The following NR3C2 variants were observed in gnomAD, a reference collection of about 807,000 sequenced individuals.
NR3C2 encodes mineralocorticoid receptor.
NR3C2 carries 15 observed loss-of-function variants against 86.4 expected under a neutral mutation model. That is an observed-to-expected ratio of 0.17 (90% confidence interval 0.12 to 0.27). The LOEUF is 0.27. Among genes scored for constraint, NR3C2 ranks in the 10% least tolerant of loss-of-function variants. The probability of loss-of-function intolerance (pLI) is 1.00; values close to 1 mark genes in which losing one functional copy is unlikely to be tolerated. For synonymous variants in NR3C2, 458 were observed against 450.5 expected (o/e 1.02, Z -0.21); for missense variants, 960 against 1,195.6 (o/e 0.80, Z 2.91).
intron 2 of NR3C2, among the ~76,000 whole-genome samples, chr4:148,335,800 G>A (rs1561049463): frequency 6.6e-6 from 1 of 151,442 alleles, no homozygotes; most frequent in Non-Finnish European, 1.5e-5. Context: ...CTACTTCTGA[G>A]ACTTTAAGAA....
At chr4:148,285,012 T>G (rs1741442689) in intron 2 of NR3C2, among the ~76,000 whole-genome samples, 1 of 152,186 alleles carries the variant, frequency 6.6e-6, no homozygotes. Context: ...TTTGCTGGAC[T>G]CAGAAGCCAA....
At chr4:148,399,592 A>C (rs895334720) in intron 2 of NR3C2, among the ~76,000 whole-genome samples, 1 of 151,362 alleles carries the variant, frequency 6.6e-6, no homozygotes, top group East Asian at 1.9e-4. Flanking sequence ...GAAAATAAAA[A>C]TTTTCAAGAT....
At chr4:148,149,258 T>C (rs1184207807) in intron 6 of NR3C2, among the ~76,000 whole-genome samples, 1 of 152,238 alleles carries the variant, frequency 6.6e-6, no homozygotes, top group Non-Finnish European at 1.5e-5. Flanking sequence ...CTACTTTTAA[T>C]ATTAGAAAGC....
intron 2 of NR3C2, among the ~76,000 whole-genome samples, chr4:148,374,278 A>C (rs552449086): frequency 6.4e-4 from 97 of 152,334 alleles, no homozygotes; most frequent in Middle Eastern, 3.4e-3. Flanking sequence ...CTACATTAGA[A>C]TATCATGTTC....
Position 148,422,088 on chromosome 4 carries a change from AG to A in NR3C2, c.1757+13015del, listed in dbSNP as rs1193328083. 3.9e-5 allele frequency among the ~76,000 whole-genome samples: 6 copies of A among 152,238 alleles called. No individual in the cohort carries two copies. In the East Asian group the frequency reaches 1.2e-3, roughly 29 times the overall value. On this transcript the variant is annotated intron_variant, in intron 2 of 8. Transcript: ENST00000358102. Reference sequence around the variant, plus strand: ...TTATAACTCCTCCTTCCTCTACTCTAGGAATCCATTAATTTTTTCAGTTCCC... The same window carrying A: ...TTATAACTCCTCCTTCCTCTACTCTAGAATCCATTAATTTTTTCAGTTCCC...
At chr4:148,255,870 T>A (rs943057963) in intron 3 of NR3C2, among the ~76,000 whole-genome samples, 14 of 152,226 alleles carry the variant, frequency 9.2e-5, no homozygotes, top group African/African-American at 3.4e-4. Context: ...TCAAAAGGCC[T>A]ACACAAATTC....
At chr4:148,162,297 G>A (rs1365417314) in intron 4 of NR3C2, among the ~76,000 whole-genome samples, 1 of 152,166 alleles carries the variant, frequency 6.6e-6, no homozygotes, top group Non-Finnish European at 1.5e-5. Context: ...TGCTTCTGAG[G>A]TTCTTCTGGG....
chr4:148,133,205 A>AG (rs1733114801), intron 6 of NR3C2, among the ~76,000 whole-genome samples: 1 of 152,022 alleles, frequency 6.6e-6, no homozygotes, highest in Non-Finnish European at 1.5e-5. Context: ...AAAAAAAAAA[A>AG]AAAAGAAAAA....
chr4:148,280,872 G>A (rs1312895287), intron 2 of NR3C2, among the ~76,000 whole-genome samples: 3 of 152,146 alleles, frequency 2.0e-5, no homozygotes, highest in Admixed American at 6.6e-5. Context: ...TCTATATAAA[G>A]CTAACAGTCA....
chr4:148,319,778 T>C (rs1419127878), intron 2 of NR3C2, among the ~76,000 whole-genome samples: 1 of 150,464 alleles, frequency 6.6e-6, no homozygotes, highest in Non-Finnish European at 1.5e-5. Context: ...AGATTTTGGG[T>C]TGAGACAATG....
At chr4:148,260,150 AC>A in intron 2 of NR3C2, 33 bp from the exon 3 acceptor site, 2 of 1,613,302 alleles carry the variant, frequency 1.2e-6, no homozygotes, top group Non-Finnish European at 1.7e-6. Flanking sequence ...AAATAACTAC[AC>A]CGTAAAGGCA....
At position 148,256,944 on chromosome 4, in the gene NR3C2, G is replaced by T. The variant is rs555784954; in HGVS notation, c.1897+3034C>A. ...ACTTTAAAATCATAATTTACAGTCT[G>T]CATAGTCACTGCTATGCTATTATAG... On this transcript the variant is annotated intron_variant, in intron 3 of 8. Transcript: ENST00000358102. 3.9e-5 allele frequency among the ~76,000 whole-genome samples: 6 copies of T among 152,228 alleles called. No homozygotes were observed. The South Asian group carries it at 1.0e-3, about 26-fold the overall frequency.
intron 2 of NR3C2, among the ~76,000 whole-genome samples, chr4:148,308,445 A>ATT (rs1742744887): frequency 1.3e-5 from 2 of 152,146 alleles, no homozygotes; most frequent in African/African-American, 4.8e-5. Flanking sequence ...TACTCTAAAA[A>ATT]AACTACATGA....
intron 2 of NR3C2, among the ~76,000 whole-genome samples, chr4:148,425,262 A>G (rs1422563504): frequency 6.6e-6 from 1 of 152,228 alleles, no homozygotes; most frequent in Non-Finnish European, 1.5e-5. Flanking sequence ...TGGAAAATGT[A>G]CAAGTAACAG....
chr4:148,183,440 A>G (rs369614590), intron 4 of NR3C2, among the ~76,000 whole-genome samples: 1 of 152,190 alleles, frequency 6.6e-6, no homozygotes, highest in African/African-American at 2.4e-5. Context: ...TCCCACCAAC[A>G]GTGTAAAAGC....
chr4:148,294,545 G>A (rs1406584691), intron 2 of NR3C2, among the ~76,000 whole-genome samples: 1 of 151,366 alleles, frequency 6.6e-6, no homozygotes, highest in Non-Finnish European at 1.5e-5. Flanking sequence ...TCACAAAACA[G>A]TTTTTTTTCC....
At chr4:148,387,476 G>A (rs1747323632) in intron 2 of NR3C2, among the ~76,000 whole-genome samples, 1 of 152,156 alleles carries the variant, frequency 6.6e-6, no homozygotes, top group Admixed American at 6.6e-5. Context: ...TATATCACAT[G>A]TTAATGGATA....
In NR3C2 at chr4:148,211,983, C is replaced by T. The variant is rs1164844459; in HGVS notation, c.1898-17121G>A. Among the ~76,000 whole-genome samples, 5 of 152,176 alleles carry T rather than the reference C, an allele frequency of 3.3e-5. No homozygotes were observed. In the East Asian group the frequency reaches 7.7e-4, roughly 23 times the overall value. On this transcript the variant is annotated intron_variant, in intron 3 of 8. Transcript: ENST00000358102. ...ACTAGAGTCGAAAATTTCACATCCT[C>T]ACTACCAAGTCTAAGGCCCTCACTG...
chr4:148,274,189 T>C (rs1042941247), intron 2 of NR3C2, among the ~76,000 whole-genome samples: 1 of 151,540 alleles, frequency 6.6e-6, no homozygotes, highest in Non-Finnish European at 1.5e-5. Flanking sequence ...TTTCCAAACA[T>C]AGTAAGTGTT....
Sources: gnomAD v4.1 joint callset for allele counts (sites outside exome capture counted in the v4.1 genomes callset) on GRCh38, gnomAD v4.1.1 for gene constraint, MANE v1.5 for transcripts, NCBI Gene and HGNC (gene_info 2026-07-23, HGNC 2026-07-21) for gene names.